The following OSBPL2 variants were observed in gnomAD, a reference collection of about 807,000 sequenced individuals.
The protein encoded by OSBPL2 is oxysterol binding protein like 2.
OSBPL2 carries 18 observed loss-of-function variants against 58.4 expected under a neutral mutation model. The ratio of observed to expected loss-of-function variants is 0.31; its 90% CI spans 0.21 to 0.46. The LOEUF (loss-of-function observed/expected upper bound fraction) is 0.46. Ranked by LOEUF, OSBPL2 falls within the 20% of genes least tolerant of loss-of-function variation. The pLI is 1.00. For missense variants in OSBPL2, 461 were observed against 616.5 expected (o/e 0.75, Z 2.67); for synonymous variants, 221 against 234.1 (o/e 0.94, Z 0.51).
rs768506145 is a variant in OSBPL2, at chr20:62,286,584, A to G, written c.998A>G (p.Asp333Gly). 1.2e-6 allele frequency: 2 copies of G among 1,612,510 alleles called. No individual in the cohort carries two copies. Reference protein sequence around the residue: ...RGDHLRKAKLDEDSGKADSDV... With the variant: ...RGDHLRKAKLGEDSGKADSDV... ...ACACAGCAGGGTTCTGTGTTTCAGG[A>G]TGAAGACTCCGGGAAGGCTGACAGC... Residue 333 changes from aspartate to glycine, a missense_variant and splice_region_variant, in exon 11 of 14, where the codon GAT (aspartate) becomes GGT (glycine). Transcript: ENST00000313733.
At chr20:62,293,749 G>A (rs982949281) in intron 13 of OSBPL2, 36 bp from the exon 14 acceptor site, 1 of 1,601,910 alleles carries the variant, frequency 6.2e-7, no homozygotes, top group African/African-American at 1.3e-5. Context: ...CTTTTGGGCT[G>A]AGCATCTTCT....
chr20:62,283,983 C>T, intron 9 of OSBPL2, 63 bp from the exon 10 acceptor site: 1 of 1,504,336 alleles, frequency 6.6e-7, no homozygotes, highest in Non-Finnish European at 9.1e-7. Flanking sequence ...CAGGGTGCCA[C>T]ATGTTTAGAC....
chr20:62,246,614 G>A (rs754053581), intron 1 of OSBPL2, among the ~76,000 whole-genome samples: 49 of 152,158 alleles, frequency 3.2e-4, no homozygotes, highest in Non-Finnish European at 3.8e-4. Flanking sequence ...GCTTGGACAC[G>A]CAGGGAGGGA....
intron 6 of OSBPL2, chr20:62,278,179 A>G (rs187726901): frequency 1.4e-3 from 245 of 175,202 alleles, no homozygotes; most frequent in Middle Eastern, 2.6e-3. Flanking sequence ...TCTGGAAGCC[A>G]TGTGTGTGTG....
chr20:62,258,881 T>A (rs6061471), intron 2 of OSBPL2: 40 of 152,350 alleles, frequency 2.6e-4, no homozygotes, highest in African/African-American at 9.1e-4. Context: ...GGCAGGGTAT[T>A]TCAGAAACTG....
Position 62,269,245 on chromosome 20 carries a change from G to A in OSBPL2, c.259-2880G>A, listed in dbSNP as rs1050976171. On this transcript the variant is annotated intron_variant, in intron 4 of 13. Coordinates refer to ENST00000313733, the MANE Select transcript of OSBPL2 (RefSeq NM_144498.4). The surrounding 1 kb of genome is among the most constrained non-coding windows in gnomAD (Gnocchi z 4.2). ...TGGCGCGGCGCTCCCTCACATGGCT[G>A]CCACCTAGCTTATTGGACTGGCGCC... is the stretch of plus-strand genomic sequence containing the variant. Among the ~76,000 whole-genome samples the A allele has an allele frequency of 1.3e-5, 2 of 152,154 alleles. No homozygotes were observed. The highest frequency in any genetic ancestry group is 4.8e-5 in the African/African-American group (2 of 41,428).
intron 9 of OSBPL2, among the ~76,000 whole-genome samples, chr20:62,282,703 T>G (rs1013647494): frequency 6.6e-6 from 1 of 152,182 alleles, no homozygotes; most frequent in Non-Finnish European, 1.5e-5. Flanking sequence ...GGCGCACATC[T>G]GTAATCCCAG....
At chr20:62,243,431 C>A (rs2145910433) in intron 1 of OSBPL2, among the ~76,000 whole-genome samples, 1 of 141,884 alleles carries the variant, frequency 7.0e-6, no homozygotes, top group South Asian at 2.1e-4. Context: ...TAGCGCCTGC[C>A]CCGCAGCCCC....
intron 12 of OSBPL2, among the ~76,000 whole-genome samples, chr20:62,290,795 G>T (rs948890505): frequency 6.8e-6 from 1 of 147,374 alleles, no homozygotes; most frequent in African/African-American, 2.5e-5. Flanking sequence ...CTGGAGTGCA[G>T]TGGCGTGATC....
intron 4 of OSBPL2, among the ~76,000 whole-genome samples, chr20:62,270,043 T>A (rs1286402530): frequency 9.9e-5 from 15 of 152,208 alleles, no homozygotes; most frequent in Admixed American, 9.2e-4. Context: ...AGAGCCCCCC[T>A]CCCAGCACGG....
intron 1 of OSBPL2, among the ~76,000 whole-genome samples, chr20:62,247,102 A>G (rs1194696096): frequency 1.3e-5 from 2 of 152,144 alleles, no homozygotes; most frequent in East Asian, 3.9e-4. Flanking sequence ...AGCCTGACCT[A>G]GTTCTGCTCT....
intron 1 of OSBPL2, among the ~76,000 whole-genome samples, chr20:62,255,784 C>T (rs1322599308): frequency 6.6e-6 from 1 of 152,200 alleles, no homozygotes; most frequent in Non-Finnish European, 1.5e-5. Flanking sequence ...GGATTACAGG[C>T]GTGAGCCACC....
chr20:62,241,479 C>T (rs1016302176), intron 1 of OSBPL2, among the ~76,000 whole-genome samples: 1 of 152,264 alleles, frequency 6.6e-6, no homozygotes, highest in African/African-American at 2.4e-5. Context: ...GGTTCTTATG[C>T]TGTCTTCAAG....
chr20:62,241,462 C>T (rs1979728672), intron 1 of OSBPL2, among the ~76,000 whole-genome samples: 1 of 152,258 alleles, frequency 6.6e-6, no homozygotes, highest in Non-Finnish European at 1.5e-5. Context: ...ATTGTTGACA[C>T]ATTTTAGGTT....
intron 3 of OSBPL2, among the ~76,000 whole-genome samples, chr20:62,261,696 C>T (rs951038119): frequency 3.3e-5 from 5 of 152,234 alleles, no homozygotes; most frequent in Non-Finnish European, 5.9e-5. Context: ...ACCCAACCAC[C>T]CTTGTTTCCA....
At chr20:62,256,886 C>T (rs1980960177) in intron 2 of OSBPL2, among the ~76,000 whole-genome samples, 2 of 152,234 alleles carry the variant, frequency 1.3e-5, no homozygotes, top group Admixed American at 1.3e-4. Flanking sequence ...CGTGTCTTGT[C>T]AGGTCCTCAT....
chr20:62,293,658 C>A, intron 13 of OSBPL2, 127 bp from the exon 14 acceptor site: 1 of 708,032 alleles, frequency 1.4e-6, no homozygotes, highest in Non-Finnish European at 2.3e-6. Context: ...TTACGCTGGG[C>A]TGCATTTTAA....
At chr20:62,260,974 A>G (rs141516002) in intron 3 of OSBPL2, among the ~76,000 whole-genome samples, 36 of 151,946 alleles carry the variant, frequency 2.4e-4, no homozygotes, top group African/African-American at 8.0e-4. Flanking sequence ...TGGGCAACAG[A>G]GCAACACCCT....
intron 12 of OSBPL2, among the ~76,000 whole-genome samples, chr20:62,290,641 C>T (rs147544556): frequency 2.4e-3 from 366 of 151,126 alleles, no homozygotes; most frequent in East Asian, 0.012. Flanking sequence ...AGGACGGTCT[C>T]GATCTCCTGA....
Sources: gnomAD v4.1 joint callset for allele counts (sites outside exome capture counted in the v4.1 genomes callset) on GRCh38, gnomAD v4.1.1 for gene constraint, Gnocchi (gnomAD v3.1) non-coding constraint, MANE v1.5 for transcripts, NCBI Gene and HGNC (gene_info 2026-07-23, HGNC 2026-07-21) for gene names.